The following ABLIM1 variants were observed in gnomAD, a reference collection of about 807,000 sequenced individuals.
The protein encoded by ABLIM1 is actin-binding LIM protein 1.
A neutral mutation model predicts 107.0 loss-of-function variants in ABLIM1; 40 were observed. The ratio of observed to expected loss-of-function variants is 0.37; its 90% CI spans 0.29 to 0.49. ABLIM1 has a LOEUF of 0.49. Ranked by LOEUF, ABLIM1 falls within the 20% of genes least tolerant of loss-of-function variation. ABLIM1 has a pLI of 0.97. For synonymous variants in ABLIM1, 357 were observed against 357.3 expected, an observed-to-expected ratio of 1.00 and a Z score of 0.01; for missense variants, 857 against 1,008.5, an observed-to-expected ratio of 0.85 and a Z score of 2.04.
intron 22 of ABLIM1, among the ~76,000 whole-genome samples, chr10:114,437,301 TTTTTTC>T (rs1426185692): frequency 6.6e-6 from 1 of 151,714 alleles, no homozygotes. Flanking sequence ...GGGTCATTCT[TTTTTTC>T]TTTTTCTTTC....
chr10:114,443,543 C>T (rs1208521717), intron 17 of ABLIM1, among the ~76,000 whole-genome samples: 2 of 151,842 alleles, frequency 1.3e-5, no homozygotes. Flanking sequence ...AAACTCCTGA[C>T]CTCAGGTGAT....
At chr10:114,493,721 T>C (rs1447239295) in intron 6 of ABLIM1, among the ~76,000 whole-genome samples, 1 of 152,316 alleles carries the variant, frequency 6.6e-6, no homozygotes, top group South Asian at 2.1e-4. Flanking sequence ...ATGCAAGATC[T>C]ACACAAAGCA....
At chr10:114,615,726 G>C (rs575567263) in intron 1 of ABLIM1, 6 of 345,760 alleles carry the variant, frequency 1.7e-5, no homozygotes, top group African/African-American at 1.3e-4. Flanking sequence ...TTCACCAACA[G>C]TGTCTACTAT....
intron 6 of ABLIM1, among the ~76,000 whole-genome samples, chr10:114,499,855 T>C (rs1248627017): frequency 6.6e-6 from 1 of 152,114 alleles, no homozygotes; most frequent in Non-Finnish European, 1.5e-5. Flanking sequence ...TGACTCAGCT[T>C]TTTTGCGTCT....
intron 1 of ABLIM1, among the ~76,000 whole-genome samples, chr10:114,718,140 AAG>A (rs940743181): frequency 4.7e-5 from 3 of 63,818 alleles, no homozygotes; most frequent in Non-Finnish European, 1.6e-4. Context: ...AAAAGAAAGA[AAG>A]AAAGAGAAAA....
At chr10:114,721,866 T>G (rs2081855306) in intron 1 of ABLIM1, among the ~76,000 whole-genome samples, 1 of 152,156 alleles carries the variant, frequency 6.6e-6, no homozygotes, top group Non-Finnish European at 1.5e-5. Flanking sequence ...AAGAAATACC[T>G]GAAAGGCTTT....
intron 6 of ABLIM1, among the ~76,000 whole-genome samples, chr10:114,529,352 T>C (rs2136919687): frequency 6.6e-6 from 1 of 152,146 alleles, no homozygotes; most frequent in African/African-American, 2.4e-5. Context: ...CTCGATCTCT[T>C]GAACTCATGA....
At chr10:114,609,796 C>T (rs1194786599) in intron 1 of ABLIM1, among the ~76,000 whole-genome samples, 1 of 152,190 alleles carries the variant, frequency 6.6e-6, no homozygotes, top group African/African-American at 2.4e-5. Flanking sequence ...GCACTGAATA[C>T]TTAATGATGT....
the ABLIM1 span, among the ~76,000 whole-genome samples, chr10:114,788,133 ATGCTCGT>A: frequency 6.6e-6 from 1 of 151,766 alleles, no homozygotes; most frequent in Admixed American, 6.6e-5. Flanking sequence ...TGAAGGCAGC[ATGCTCGT>A]TAAGAGTCAT....
chr10:114,562,982 C>A (rs528841004), intron 4 of ABLIM1, among the ~76,000 whole-genome samples: 10 of 152,212 alleles, frequency 6.6e-5, no homozygotes, highest in Non-Finnish European at 1.5e-4. Flanking sequence ...CAAAGCACAG[C>A]TTTACCAGGA....
intron 2 of ABLIM1, among the ~76,000 whole-genome samples, chr10:114,594,070 G>C (rs1341518070): frequency 6.6e-6 from 1 of 152,186 alleles, no homozygotes; most frequent in Non-Finnish European, 1.5e-5. Context: ...GAATGACTAA[G>C]ATTCTCTAGA....
chr10:114,468,566 G>A (rs553506933), intron 10 of ABLIM1, among the ~76,000 whole-genome samples: 7 of 151,952 alleles, frequency 4.6e-5, no homozygotes, highest in South Asian at 2.1e-4. Context: ...GAGCCACCGC[G>A]CCTGGCCTCT....
At chr10:114,797,638 C>T in the ABLIM1 span, among the ~76,000 whole-genome samples, 4 of 152,076 alleles carry the variant, frequency 2.6e-5, no homozygotes, top group East Asian at 7.7e-4. Context: ...TATTGATTTC[C>T]TCCTTTGAAA....
intron 1 of ABLIM1, among the ~76,000 whole-genome samples, chr10:114,628,670 A>G (rs1309714121): frequency 1.3e-5 from 2 of 152,234 alleles, no homozygotes; most frequent in African/African-American, 4.8e-5. Flanking sequence ...AATTCTATTT[A>G]CCTTGAAGTT....
chr10:114,709,376 A>G (rs1431389745), intron 1 of ABLIM1, among the ~76,000 whole-genome samples: 1 of 152,228 alleles, frequency 6.6e-6, no homozygotes, highest in African/African-American at 2.4e-5. Flanking sequence ...CTGTAATATT[A>G]GGAGCAGAGA....
At chr10:114,621,865 G>A (rs2077485109) in intron 1 of ABLIM1, among the ~76,000 whole-genome samples, 1 of 152,204 alleles carries the variant, frequency 6.6e-6, no homozygotes, top group African/African-American at 2.4e-5. Flanking sequence ...ATGGCTCATT[G>A]CTATTTCTGA....
intron 1 of ABLIM1, among the ~76,000 whole-genome samples, chr10:114,682,000 C>T (rs2080770052): frequency 6.6e-6 from 1 of 152,164 alleles, no homozygotes; most frequent in Non-Finnish European, 1.5e-5. Flanking sequence ...AAAAGTAGTG[C>T]TAATCGGCAC....
In ABLIM1 at chr10:114,491,012, G is replaced by GTGTGTGTGTGTGTA; in HGVS notation, c.982+778_982+779insTACACACACACACA. The stretch of plus-strand genomic sequence containing the variant: ...TGTGTGTGTGTGTGTGTGTGTGTGT[G>GTGTGTGTGTGTGTA]TATATATATATATGGTCTATTTTAT... On this transcript the variant is annotated intron_variant, in intron 7 of 22. Coordinates refer to ENST00000533213, the MANE Select transcript of ABLIM1 (RefSeq NM_002313.7). Among the ~76,000 whole-genome samples, 23 of 92,388 alleles carry GTGTGTGTGTGTGTA rather than the reference G, an allele frequency of 2.5e-4. 1 individual carries two copies. The highest frequency in any genetic ancestry group is 8.2e-4 in the Admixed American group (6 of 7,284). 60.6% of individuals were successfully genotyped at this position (92,388 alleles called of 152,430 possible). A position where few individuals can be genotyped will look rare whatever the true frequency, so the allele number is the denominator to read the frequency against.
chr10:114,605,526 T>C (rs974273856), intron 1 of ABLIM1, among the ~76,000 whole-genome samples: 4 of 152,164 alleles, frequency 2.6e-5, no homozygotes, highest in African/African-American at 7.2e-5. Flanking sequence ...GGCAGAGGCA[T>C]ACTTAGCACT....
Sources: allele counts gnomAD v4.1 joint callset (sites outside exome capture counted in the v4.1 genomes callset), GRCh38; gene constraint gnomAD v4.1.1; transcripts MANE v1.5; gene names NCBI Gene and HGNC (gene_info 2026-07-23, HGNC 2026-07-21).